The following DTNA variants were observed in gnomAD, a reference collection of about 807,000 sequenced individuals.
DTNA encodes dystrobrevin alpha.
Under a neutral mutation model 100.7 loss-of-function variants are expected in DTNA, and 43 were observed. The ratio of observed to expected loss-of-function variants is 0.43; its 90% confidence interval spans 0.33 to 0.55. The LOEUF (loss-of-function observed/expected upper bound fraction) is 0.55, where lower values mean the gene tolerates loss of function less well. Among genes scored for constraint, DTNA ranks in the 20% least tolerant of loss-of-function variants. The probability of loss-of-function intolerance (pLI) is 0.04; values close to 1 mark genes in which losing one functional copy is unlikely to be tolerated. For synonymous variants in DTNA, 349 were observed against 347.9 expected, an observed-to-expected ratio of 1.00 and a Z score of -0.04; for missense variants, 798 against 953.9, an observed-to-expected ratio of 0.84 and a Z score of 2.15.
At chr18:34,626,398 A>G (rs1301460514) in intron 1 of DTNA, among the ~76,000 whole-genome samples, 2 of 152,304 alleles carry the variant, frequency 1.3e-5, no homozygotes, top group East Asian at 3.9e-4. Context: ...TTTATGTCCA[A>G]AAAGGGCCTA....
rs559663308 is a variant in DTNA at position 34,714,291 on chromosome 18, A to G, written c.-2+3846A>G. Among the ~76,000 whole-genome samples the G allele has an allele frequency of 7.4e-5, 11 of 148,410 alleles. No individual in the cohort carries two copies. In the East Asian group the frequency reaches 2.0e-3, roughly 27 times the overall value. The stretch of plus-strand genomic sequence containing the variant: ...AAAAGAAACTACCATCAGAGTGAAC[A>G]GGCAACCTACAAAATGGGAGAAAAT... On this transcript the variant is annotated intron_variant, in intron 1 of 22. Transcript: ENST00000444659.
rs74816120 is a variant in DTNA, at chr18:34,644,884, C to A, written c.-1-111092C>A. Among the ~76,000 whole-genome samples the A allele has an allele frequency of 1.5e-3, 221 of 152,162 alleles. 2 individuals carry two copies. The highest frequency in any genetic ancestry group is 4.9e-3 in the African/African-American group (205 of 41,558). On this transcript the variant is annotated intron_variant, in intron 1 of 19. Coordinates refer to the DTNA transcript ENST00000283365. ...TTCTAAACAGCTCATCACATTCTTTCTAATGTTCCCTGTACTGAAGAAAAT... is the reference window on the plus strand; with the variant it reads ...TTCTAAACAGCTCATCACATTCTTTATAATGTTCCCTGTACTGAAGAAAAT...
chr18:34,689,872 T>C (rs2079489451), intron 1 of DTNA, among the ~76,000 whole-genome samples: 1 of 152,186 alleles, frequency 6.6e-6, no homozygotes, highest in Non-Finnish European at 1.5e-5. Context: ...AGAGGCAGTC[T>C]GGCTACAGTG....
chr18:34,824,037 G>A (rs946640474), intron 9 of DTNA, among the ~76,000 whole-genome samples: 2 of 152,190 alleles, frequency 1.3e-5, no homozygotes, highest in African/African-American at 4.8e-5. Context: ...AAAATTCCAT[G>A]ATGTACATGT....
intron 1 of DTNA, among the ~76,000 whole-genome samples, chr18:34,728,166 A>T (rs1008250263): frequency 1.6e-4 from 24 of 152,206 alleles, no homozygotes; most frequent in African/African-American, 5.3e-4. Flanking sequence ...TAGAAGAAGC[A>T]AGAAGACTAT....
chr18:34,686,041 G>C (rs567196619), intron 1 of DTNA, among the ~76,000 whole-genome samples: 2 of 152,316 alleles, frequency 1.3e-5, no homozygotes, highest in South Asian at 4.1e-4. Context: ...GTTTTGGGCT[G>C]AGATGATGGG....
At chr18:34,748,833 T>C (rs985026272) in intron 1 of DTNA, among the ~76,000 whole-genome samples, 5 of 152,082 alleles carry the variant, frequency 3.3e-5, no homozygotes, top group South Asian at 2.1e-4. Flanking sequence ...TTTCTAGTTA[T>C]GCAAAGAACA....
At position 34,806,287 on chromosome 18, in the gene DTNA, T is replaced by C; in HGVS notation, c.431T>C (p.Ile144Thr). 1.2e-6 allele frequency: 2 copies of C among 1,613,892 alleles called. No individual in the cohort carries two copies. The highest frequency in any genetic ancestry group is 1.7e-6 in the Non-Finnish European group (2 of 1,179,896). ...MALATLCGGK[I>T]MDKLRYIFSM... is the part of the protein sequence containing the mutation. ...TTAGCCACATTGTGTGGAGGGAAGA[T>C]CATGGACAAATTAAGATGTAAGTTA... Residue 144 changes from isoleucine (I) to threonine (T), a missense_variant, in exon 5 of 23, where the codon ATC (isoleucine) becomes ACC (threonine). By Grantham distance (89) the Ile-to-Thr change is moderately conservative. Coordinates refer to ENST00000444659, the MANE Select transcript of DTNA (RefSeq NM_001386795.1).
At chr18:34,525,666 C>T (rs2145349592) in intron 1 of DTNA, among the ~76,000 whole-genome samples, 1 of 152,250 alleles carries the variant, frequency 6.6e-6, no homozygotes, top group East Asian at 1.9e-4. Flanking sequence ...AGTAAAACTA[C>T]TCCTCTGACG....
At chr18:34,883,828 C>A (rs1037420119) in intron 21 of DTNA, among the ~76,000 whole-genome samples, 1 of 152,206 alleles carries the variant, frequency 6.6e-6, no homozygotes, top group Non-Finnish European at 1.5e-5. Flanking sequence ...GTTCCATTTG[C>A]CTTTTCAGTT....
intron 1 of DTNA, among the ~76,000 whole-genome samples, chr18:34,630,118 C>T (rs1207449194): frequency 6.6e-6 from 1 of 152,126 alleles, no homozygotes; most frequent in East Asian, 1.9e-4. Context: ...CCACTGTAAA[C>T]CTACTTGTTG....
chr18:34,505,818 G>A (rs909984598), intron 1 of DTNA, among the ~76,000 whole-genome samples: 2 of 151,686 alleles, frequency 1.3e-5, no homozygotes, highest in Non-Finnish European at 2.9e-5. Flanking sequence ...AACATCTCTG[G>A]GATCTTGCTT....
At chr18:34,798,391 A>AC (rs2095072790) in intron 4 of DTNA, among the ~76,000 whole-genome samples, 1 of 151,290 alleles carries the variant, frequency 6.6e-6, no homozygotes, top group Non-Finnish European at 1.5e-5. Context: ...CTAGATTCAG[A>AC]CCCTCTATTT....
chr18:34,698,704 C>T (rs760855076), intron 1 of DTNA, among the ~76,000 whole-genome samples: 13 of 152,160 alleles, frequency 8.5e-5, no homozygotes, highest in South Asian at 8.3e-4. Flanking sequence ...ACTTGGAGTC[C>T]GATGTTTGAG....
At chr18:34,584,107 T>G (rs2048895351) in intron 1 of DTNA, among the ~76,000 whole-genome samples, 1 of 152,132 alleles carries the variant, frequency 6.6e-6, no homozygotes, top group Non-Finnish European at 1.5e-5. Context: ...GGCAGAACAT[T>G]GGAGGGGGCA....
chr18:34,818,994 A>G (rs1602611815), intron 8 of DTNA, among the ~76,000 whole-genome samples: 1 of 152,152 alleles, frequency 6.6e-6, no homozygotes, highest in Non-Finnish European at 1.5e-5. Flanking sequence ...CACTGTTCAA[A>G]TGGATTATGA....
chr18:34,563,108 A>C (rs533311721), intron 1 of DTNA, among the ~76,000 whole-genome samples: 83 of 152,294 alleles, frequency 5.4e-4, no homozygotes, highest in Non-Finnish European at 1.0e-3. Context: ...GGAACTACCC[A>C]ATGTGACCTT....
intron 1 of DTNA, among the ~76,000 whole-genome samples, chr18:34,634,521 T>C (rs2058446777): frequency 6.6e-6 from 1 of 152,192 alleles, no homozygotes; most frequent in Non-Finnish European, 1.5e-5. Context: ...TGAATTCTCG[T>C]AATTGCTTCT....
intron 2 of DTNA, among the ~76,000 whole-genome samples, chr18:34,762,238 T>G (rs2093222142): frequency 1.3e-5 from 2 of 152,228 alleles, no homozygotes; most frequent in African/African-American, 4.8e-5. Context: ...AAATACCATC[T>G]GATAAAAATT....
Sources: allele counts gnomAD v4.1 joint callset (sites outside exome capture counted in the v4.1 genomes callset), GRCh38; gene constraint gnomAD v4.1.1; transcripts MANE v1.5; gene names NCBI Gene and HGNC (gene_info 2026-07-23, HGNC 2026-07-21).